Variants in EGFL6 observed in about 807,000 individuals in gnomAD.
The protein encoded by EGFL6 is EGF like domain multiple 6.
EGFL6 carries 42 observed loss-of-function variants against 43.1 expected under a neutral mutation model. That is an observed-to-expected ratio of 0.98 (90% CI 0.76 to 1.26). The LOEUF (loss-of-function observed/expected upper bound fraction) is 1.26, where lower values mean the gene tolerates loss of function less well. EGFL6 is among the 50% of genes most tolerant of loss of function. The pLI, the probability that EGFL6 is intolerant of heterozygous loss-of-function variation, is 0.00. For synonymous variants in EGFL6, 164 were observed against 163.2 expected, an observed-to-expected ratio of 1.01 and a Z score of -0.04; for missense variants, 429 against 427.8, an observed-to-expected ratio of 1.00 and a Z score of -0.02.
At chrX:13,569,969 C>G (rs771560482) in intron 1 of EGFL6, 34 bp downstream of exon 1, 2 of 1,194,275 alleles carry the variant, frequency 1.7e-6, no homozygotes. Flanking sequence ...CTTCCCCCCA[C>G]CCCCGGCCTG....
At chrX:13,575,059 A>G (rs1236669299) in intron 1 of EGFL6, 2 of 115,581 alleles carry the variant, frequency 1.7e-5, no homozygotes, top group African/African-American at 6.5e-5. Context: ...CAGGCTGGTG[A>G]AAGGTAAACC....
rs3788936 is a variant in EGFL6 at position 13,618,671 on chromosome X, T to A, written c.1103-492T>A. ...GGAGGGTTTCCATATTAACCCACCC[T>A]GCATCTCTACACTGAGACTTTCCCA... On this transcript the variant is annotated intron_variant, in intron 8 of 11. Coordinates refer to ENST00000361306, the MANE Select transcript of EGFL6 (RefSeq NM_015507.4). Among the ~76,000 whole-genome samples, 31 of 111,392 alleles carry A rather than the reference T, an allele frequency of 2.8e-4. No homozygotes were observed. The East Asian group carries it at 8.2e-3, about 29-fold the overall frequency.
chrX:13,570,848 CAA>C (rs2045437816), intron 1 of EGFL6, among the ~76,000 whole-genome samples: 1 of 111,973 alleles, frequency 8.9e-6, no homozygotes, highest in Non-Finnish European at 1.9e-5. Context: ...TATTCTGGCC[CAA>C]AGTCTGTTCT....
At chrX:13,592,056 G>C (rs2045566542) in intron 2 of EGFL6, among the ~76,000 whole-genome samples, 1 of 111,040 alleles carries the variant, frequency 9.0e-6, no homozygotes, top group Admixed American at 9.6e-5. Context: ...CAGATCCAAA[G>C]TTACTGTAAA....
chrX:13,603,250 A>G, intron 4 of EGFL6, 67 bp from the exon 5 acceptor site: 1 of 1,095,733 alleles, frequency 9.1e-7, no homozygotes, highest in East Asian at 3.2e-5. Context: ...GAATTTGGTG[A>G]TAGTTTCTTA....
intron 8 of EGFL6, among the ~76,000 whole-genome samples, chrX:13,618,610 G>T (rs1298216280): frequency 1.8e-5 from 2 of 111,880 alleles, no homozygotes; most frequent in African/African-American, 6.5e-5. Context: ...TTCACTAGTT[G>T]CTGTGCAGAA....
intron 3 of EGFL6, among the ~76,000 whole-genome samples, chrX:13,598,392 ATTTG>A (rs1478340193): frequency 3.6e-5 from 4 of 111,247 alleles, no homozygotes; most frequent in Admixed American, 1.9e-4. Context: ...CTTCCATGGA[ATTTG>A]TTTGTTTTTT....
chrX:13,600,317 C>T (rs1398211004), intron 4 of EGFL6, among the ~76,000 whole-genome samples: 3 of 72,395 alleles, frequency 4.1e-5, no homozygotes, highest in Non-Finnish European at 7.1e-5. Context: ...GACAGAGTCT[C>T]GCTCTGTCAC....
At chrX:13,604,968 A>T (rs1430410769) in intron 5 of EGFL6, among the ~76,000 whole-genome samples, 5 of 112,336 alleles carry the variant, frequency 4.5e-5, no homozygotes, top group Non-Finnish European at 5.6e-5. Context: ...AACACTTTTT[A>T]AAAATATACA....
At chrX:13,593,739 G>C (rs752026809) in intron 2 of EGFL6, among the ~76,000 whole-genome samples, 1 of 112,059 alleles carries the variant, frequency 8.9e-6, no homozygotes, top group East Asian at 2.8e-4. Context: ...ATAGGATGTT[G>C]CAACTGAGTG....
At chrX:13,582,146 T>G (rs959737240) in intron 1 of EGFL6, among the ~76,000 whole-genome samples, 2 of 109,115 alleles carry the variant, frequency 1.8e-5, no homozygotes, top group Non-Finnish European at 3.8e-5. Context: ...GACTGCAAGC[T>G]CTGACTCCCG....
chrX:13,579,995 C>A (rs143434910), intron 1 of EGFL6, among the ~76,000 whole-genome samples: 1 of 111,186 alleles, frequency 9.0e-6, no homozygotes, highest in African/African-American at 3.3e-5. Flanking sequence ...TCGGAAGTTA[C>A]CCCCATCACT....
At chrX:13,582,470 G>T (rs1411387801) in intron 1 of EGFL6, among the ~76,000 whole-genome samples, 1 of 111,280 alleles carries the variant, frequency 9.0e-6, no homozygotes, top group East Asian at 2.8e-4. Flanking sequence ...AGATGCTTTT[G>T]TGACTGAGAA....
At chrX:13,630,705 T>G (rs974878132) in intron 11 of EGFL6, among the ~76,000 whole-genome samples, 1 of 112,329 alleles carries the variant, frequency 8.9e-6, no homozygotes, top group African/African-American at 3.2e-5. Flanking sequence ...TCATAGACCC[T>G]TGTCATCTCC....
intron 4 of EGFL6, 111 bp downstream of exon 4, chrX:13,600,205 T>C (rs2045624358): frequency 2.8e-6 from 2 of 726,969 alleles, no homozygotes; most frequent in Admixed American, 7.9e-5. Flanking sequence ...TCTCTAATAT[T>C]GCCCCCAGCT....
intron 3 of EGFL6, among the ~76,000 whole-genome samples, chrX:13,597,794 A>G (rs1396416532): frequency 9.9e-5 from 11 of 111,565 alleles, no homozygotes. Context: ...AGAAAAAAAA[A>G]TCATGCTTTC....
chrX:13,583,670 C>T (rs2045519859), intron 1 of EGFL6, among the ~76,000 whole-genome samples: 1 of 112,054 alleles, frequency 8.9e-6, no homozygotes, highest in African/African-American at 3.3e-5. Flanking sequence ...AGGTTGCTTT[C>T]TTTAAGGTGA....
intron 11 of EGFL6, among the ~76,000 whole-genome samples, chrX:13,629,228 G>A (rs1315289502): frequency 8.9e-6 from 1 of 112,008 alleles, no homozygotes; most frequent in African/African-American, 3.2e-5. Flanking sequence ...TTCTTGTTGT[G>A]TTTGCAGCAT....
Position 13,633,373 on chromosome X carries a change from A to G in EGFL6, c.*278A>G, listed in dbSNP as rs1028412155. ...CCTCCTCAGTATATCTGATTTGTAT[A>G]AGTAAGTTGATGAGCTTCTCTCTAC... On this transcript the variant is annotated 3_prime_UTR_variant, in exon 12 of 12. Coordinates refer to ENST00000361306, the MANE Select transcript of EGFL6 (RefSeq NM_015507.4). 3.9e-5 allele frequency: 8 copies of G among 205,248 alleles called. No individual in the cohort carries two copies. Among genetic ancestry groups the G allele is most frequent in the Admixed American group, 7.4e-5 (1 of 13,567 alleles). The allele number at this position is 205,248 out of a possible 1,213,427, so 16.9% of individuals were successfully genotyped here. A position where few individuals can be genotyped will look rare whatever the true frequency, so the allele number is the denominator to read the frequency against.
Sources: gnomAD v4.1 joint callset for allele counts (sites outside exome capture counted in the v4.1 genomes callset) on GRCh38, gnomAD v4.1.1 for gene constraint, MANE v1.5 for transcripts, NCBI Gene and HGNC (gene_info 2026-07-23, HGNC 2026-07-21) for gene names.